Variants in AIFM3 observed in about 807,000 individuals in gnomAD.
AIFM3 encodes AIF family member 3.
Under a neutral mutation model 82.7 loss-of-function variants are expected in AIFM3, and 71 were observed. The ratio of observed to expected loss-of-function variants is 0.86; its 90% CI spans 0.71 to 1.05. The LOEUF is 1.05. Ranked by LOEUF, AIFM3 falls within the 50% of genes least tolerant of loss-of-function variation. The pLI is 0.00. For synonymous variants in AIFM3, 337 were observed against 329.1 expected, an observed-to-expected ratio of 1.02 and a Z score of -0.26; for missense variants, 748 against 816.7, an observed-to-expected ratio of 0.92 and a Z score of 1.03.
chr22:20,971,391 T>A (rs1020693588), intron 2 of AIFM3, among the ~76,000 whole-genome samples: 9 of 152,156 alleles, frequency 5.9e-5, no homozygotes, highest in African/African-American at 2.2e-4. Context: ...CCCTGTGCCC[T>A]GCTATGCCTG....
At chr22:20,977,544 C>G in intron 14 of AIFM3, 156 bp from the exon 15 acceptor site, 1 of 830,248 alleles carries the variant, frequency 1.2e-6, no homozygotes, top group Non-Finnish European at 1.9e-6. Context: ...CTGTGGGAGA[C>G]CGGGTAGTGG....
chr22:20,979,578 G>T (rs986572061), intron 17 of AIFM3, 49 bp from the exon 18 acceptor site: 2 of 1,607,130 alleles, frequency 1.2e-6, no homozygotes, highest in Non-Finnish European at 1.7e-6. Context: ...GTGACGTCTC[G>T]TTCCCTCCCC....
rs1178205896 is a variant in AIFM3, at chr22:20,979,528, C to T, written c.1577-99C>T. 4 of 1,496,336 alleles carry T rather than the reference C, an allele frequency of 2.7e-6. No homozygotes were observed. In the Admixed American group the frequency reaches 6.8e-5, roughly 26 times the overall value. The allele number at this position is 1,496,336 out of a possible 1,614,324, so 92.7% of individuals were successfully genotyped here. A position where few individuals can be genotyped will look rare whatever the true frequency, so the allele number is the denominator to read the frequency against. On this transcript the variant is annotated intron_variant, in intron 17 of 20. Transcript: ENST00000440238. ...CAAGGCTACGAACTACCTAAAAGGA[C>T]GTATGGAGCAGGGCCTGGGCGGGGT...
Position 20,967,856 on chromosome 22 carries a change from A to C in AIFM3, c.-89A>C, listed in dbSNP as rs1265744272. ...CGGCTCCAGCGTCTCTAAGGCCTGCAGGGGGTCCAGCCCCATGGGGGGCGC... is the reference window on the plus strand; with the variant it reads ...CGGCTCCAGCGTCTCTAAGGCCTGCCGGGGGTCCAGCCCCATGGGGGGCGC... On this transcript the variant is annotated 5_prime_UTR_variant, in exon 2 of 21. Transcript: ENST00000440238. 2.1e-6 allele frequency: 3 copies of C among 1,450,334 alleles called. No individual in the cohort carries two copies. Among genetic ancestry groups the C allele is most frequent in the South Asian group, 2.3e-5 (2 of 87,786 alleles). The allele number at this position is 1,450,334 out of a possible 1,614,324, so 89.8% of individuals were successfully genotyped here. A position where few individuals can be genotyped will look rare whatever the true frequency, so the allele number is the denominator to read the frequency against.
intron 6 of AIFM3, 106 bp from the exon 7 acceptor site, chr22:20,974,419 A>G (rs1923492906): frequency 6.4e-7 from 1 of 1,558,624 alleles, no homozygotes; most frequent in Admixed American, 1.9e-5. Flanking sequence ...GAGCAGAGTG[A>G]GGGGTTGCGG....
At chr22:20,979,828 C>T in intron 18 of AIFM3, 126 bp downstream of exon 18, 1 of 1,315,194 alleles carries the variant, frequency 7.6e-7, no homozygotes. Flanking sequence ...GCTGGAGCTT[C>T]CTTAGGAAAG....
chr22:20,967,982 C>T lies in AIFM3; in HGVS notation c.31+7C>T, dbSNP rs1207397631. 3.1e-6 allele frequency: 5 copies of T among 1,614,000 alleles called. No individual in the cohort carries two copies. The East Asian group carries it at 1.1e-4, about 36-fold the overall frequency. ...TTCTCCAAACCCAAACCAGGTACCTCCTGTCTTCTTGTCTCCATCCTTTCT... is the reference window on the plus strand; with the variant it reads ...TTCTCCAAACCCAAACCAGGTACCTTCTGTCTTCTTGTCTCCATCCTTTCT... On this transcript the variant is annotated splice_region_variant and intron_variant, in intron 2 of 20. Transcript: ENST00000440238.
At chr22:20,979,828 C>A in intron 18 of AIFM3, 126 bp downstream of exon 18, 1 of 1,315,194 alleles carries the variant, frequency 7.6e-7, no homozygotes. Context: ...GCTGGAGCTT[C>A]CTTAGGAAAG....
At chr22:20,970,360 C>T (rs144728569) in intron 2 of AIFM3, among the ~76,000 whole-genome samples, 1 of 152,132 alleles carries the variant, frequency 6.6e-6, no homozygotes, top group Non-Finnish European at 1.5e-5. Context: ...AATCATAGCT[C>T]GCAGCAACCT....
rs1601706684 is a variant in AIFM3, at chr22:20,976,388, C to G, written c.900-20C>G. The G allele has an allele frequency of 6.2e-7, 1 of 1,613,800 alleles. No homozygotes were observed. Among genetic ancestry groups the G allele is most frequent in the Middle Eastern group, 1.6e-4 (1 of 6,062 alleles). ...GGCTGGGGCTGCCAGGAGGCCCTCA[C>G]TGACACGGCCATGTCTCAGCCCCAA... On this transcript the variant is annotated intron_variant, in intron 10 of 20. Transcript: ENST00000440238.
chr22:20,968,694 G>C (rs1433345408), intron 2 of AIFM3, among the ~76,000 whole-genome samples: 3 of 152,048 alleles, frequency 2.0e-5, no homozygotes, highest in South Asian at 2.1e-4. Context: ...CACAACACCT[G>C]GGGAGGCAGG....
chr22:20,976,920 G>A lies in AIFM3; in HGVS notation c.1200G>A (p.Leu400=). The change falls in exon 13 of 21, where the codon CTG becomes CTA. Residue 400 remains leucine (L), a synonymous_variant. Coordinates refer to ENST00000440238, the MANE Select transcript of AIFM3 (RefSeq NM_001386814.1). ...KFYMQTEVSE[L]RGQEGKLKEV... Reference sequence around the variant, plus strand: ...ACATGCAGACGGAGGTGTCTGAGCTGCGGGGCCAGGAGGGAAAGGTGGGCC... The same window carrying A: ...ACATGCAGACGGAGGTGTCTGAGCTACGGGGCCAGGAGGGAAAGGTGGGCC... 6.2e-7 allele frequency: 1 copy of A among 1,610,854 alleles called. No individual in the cohort carries two copies.
chr22:20,975,423 G>C (rs552303856), intron 8 of AIFM3, among the ~76,000 whole-genome samples: 1 of 152,238 alleles, frequency 6.6e-6, no homozygotes, highest in Non-Finnish European at 1.5e-5. Flanking sequence ...GCACCACCAT[G>C]CCTGGCTAAT....
rs779059102 is a variant in AIFM3 at position 20,973,387 on chromosome 22, CG to C, written c.115del (p.Ala39ProfsTer58). ...ELSASGKGSP[R>X]AYQGNGTARH... Reference sequence around the variant, plus strand: ...GTCGGCCAGTGGGAAGGGCAGCCCCCGGGCCTACCAGGGCAATGGCACGGCC... The same window carrying C: ...GTCGGCCAGTGGGAAGGGCAGCCCCCGGCCTACCAGGGCAATGGCACGGCC... On this transcript the variant is annotated frameshift_variant, in exon 3 of 21. Transcript: ENST00000440238. LOFTEE classifies it high-confidence loss of function. 62 of 1,610,466 alleles carry C rather than the reference CG, an allele frequency of 3.8e-5. 1 individual carries two copies. Among genetic ancestry groups the C allele is most frequent in the Non-Finnish European group, 8.5e-7 (1 of 1,179,226 alleles).
At position 20,977,042 on chromosome 22, in the gene AIFM3, T is replaced by C. The variant is rs777612297; in HGVS notation, c.1229T>C (p.Val410Ala). ...LRGQEGKLKE[V>A]VLKSSKVVRA... ...ACCCACTCCCCACAGCTGAAGGAGGTTGTGCTGAAGAGCAGCAAGGTCGTG... is the reference window on the plus strand; with the variant it reads ...ACCCACTCCCCACAGCTGAAGGAGGCTGTGCTGAAGAGCAGCAAGGTCGTG... Residue 410 changes from valine to alanine, a missense_variant, in exon 14 of 21, where the codon GTT (valine) becomes GCT (alanine). Physicochemically the swap from Val to Ala is moderately conservative, Grantham distance 64 (BLOSUM62 0). This residue lies in a region of AIFM3 where 393 missense variants were observed against 481.1 expected (regional missense o/e 0.82). Transcript: ENST00000440238. The C allele has an allele frequency of 6.2e-7, 1 of 1,613,856 alleles. No individual in the cohort carries two copies. Among genetic ancestry groups the C allele is most frequent in the African/African-American group, 1.3e-5 (1 of 74,830 alleles).
At position 20,979,639 on chromosome 22, in the gene AIFM3, G is replaced by T; in HGVS notation, c.1589G>T (p.Gly530Val). ...GCCCGGCCCACAGGCTACGGAGAAG[G>T]CTTCGACGACGTCATCATCCAGGGG... ...KSLRYAGYGEGFDDVIIQGDL... is the reference protein window; with the variant it reads ...KSLRYAGYGEVFDDVIIQGDL... Residue 530 changes from glycine to valine, a missense_variant, in exon 18 of 21, where the codon GGC becomes GTC. Physicochemically the swap from Gly to Val is moderately radical, Grantham distance 109 (BLOSUM62 -3). Around this residue, in one of 5 missense-constraint regions of AIFM3, gnomAD observed 183 missense variants for 158.2 expected, o/e 1.16. Coordinates refer to ENST00000440238, the MANE Select transcript of AIFM3 (RefSeq NM_001386814.1). 6.2e-7 allele frequency: 1 copy of T among 1,614,216 alleles called. No homozygotes were observed. The highest frequency in any genetic ancestry group is 8.5e-7 in the Non-Finnish European group (1 of 1,180,036).
At position 20,968,097 on chromosome 22, in the gene AIFM3, C is replaced by T. The variant is rs1473215684; in HGVS notation, c.31+122C>T. ...GAAGTAGGTCAGGCTATCCAAGAAC[C>T]CGCTCGGAATGTTAATACGCTGCCG... On this transcript the variant is annotated intron_variant, in intron 2 of 20. Transcript: ENST00000440238. The T allele has an allele frequency of 1.7e-5, 17 of 997,260 alleles. 1 individual carries two copies. The Admixed American group carries it at 3.9e-4, about 23-fold the overall frequency. The allele number at this position is 997,260 out of a possible 1,614,324, so 61.8% of individuals were successfully genotyped here.
chr22:20,979,468 G>C, intron 17 of AIFM3, 99 bp downstream of exon 17: 2 of 1,465,830 alleles, frequency 1.4e-6, no homozygotes, highest in Non-Finnish European at 1.9e-6. Flanking sequence ...GGCTATGACC[G>C]CACTAGGAAG....
chr22:20,976,327 C>T (rs773540672), intron 10 of AIFM3, 21 bp downstream of exon 10: 2 of 1,613,814 alleles, frequency 1.2e-6, no homozygotes, highest in South Asian at 2.2e-5. Flanking sequence ...CTCCTTTTTA[C>T]CCATCGGACA....
Sources: gnomAD v4.1 joint callset for allele counts (sites outside exome capture counted in the v4.1 genomes callset) on GRCh38, gnomAD v4.1.1 for gene constraint, gnomAD v4.1.1 regional missense constraint, MANE v1.5 for transcripts, NCBI Gene and HGNC (gene_info 2026-07-23, HGNC 2026-07-21) for gene names.